Variants in CNTNAP4 observed in about 807,000 individuals in gnomAD.
CNTNAP4 encodes the protein contactin-associated protein-like 4.
In CNTNAP4, 98 loss-of-function variants were observed where a neutral mutation model predicts 148.4. That is an observed-to-expected ratio of 0.66 (90% CI 0.56 to 0.78). The LOEUF (loss-of-function observed/expected upper bound fraction) is 0.78, where lower values mean the gene tolerates loss of function less well. CNTNAP4 is among the 30% of genes least tolerant of loss of function. The probability of loss-of-function intolerance (pLI) is 0.00; values close to 1 mark genes in which losing one functional copy is unlikely to be tolerated. For missense variants in CNTNAP4, 1,935 were observed against 1,565.6 expected, an observed-to-expected ratio of 1.24 and a Z score of -3.98; for synonymous variants, 730 against 565.1, an observed-to-expected ratio of 1.29 and a Z score of -4.14.
chr16:76,495,017 T>G lies in CNTNAP4; in HGVS notation c.2188T>G (p.Cys730Gly). ...ATGTACTTGTGGATTAGAGGGAAAC[T>G]GCATTGATTCTCAGTATTACTGCAA... ...QKCTCGLEGN[C>G]IDSQYYCNCD... The change falls in exon 14 of 24, where the codon TGC (cysteine) becomes GGC (glycine). Residue 730 changes from cysteine to glycine, a missense_variant. Cys to Gly is a radical substitution (Grantham distance 159, BLOSUM62 -3). Transcript: ENST00000611870. 6.2e-7 allele frequency: 1 copy of G among 1,613,598 alleles called. No individual in the cohort carries two copies. The highest frequency in any genetic ancestry group is 8.5e-7 in the Non-Finnish European group (1 of 1,179,566).
In CNTNAP4 at chr16:76,355,448, C is replaced by T. The variant is rs1368766480; in HGVS notation, c.327C>T (p.Tyr109=). Residue 109 remains tyrosine (Y), a synonymous_variant, in exon 3 of 24, where the codon TAC becomes TAT. Coordinates refer to ENST00000611870, the MANE Select transcript of CNTNAP4 (RefSeq NM_033401.5). ...GYGSSNWVTS[Y]LLMFSDSGWN... ...GTAGCTCCAACTGGGTGACCAGCTACCTCCTGATGTTCAGTGATAGTGGCT... is the reference window on the plus strand; with the variant it reads ...GTAGCTCCAACTGGGTGACCAGCTATCTCCTGATGTTCAGTGATAGTGGCT... 4.7e-5 allele frequency: 75 copies of T among 1,612,784 alleles called. 1 individual carries two copies. The Admixed American group carries it at 1.2e-3, about 26-fold the overall frequency.
intron 3 of CNTNAP4, among the ~76,000 whole-genome samples, chr16:76,420,506 A>G (rs2079151439): frequency 6.6e-6 from 1 of 151,874 alleles, no homozygotes. Context: ...TTTACCTTTA[A>G]TCTCCGTGCG....
chr16:76,448,115 C>T lies in CNTNAP4; in HGVS notation c.642C>T (p.Thr214=), dbSNP rs1287900531. ...ACATTATTTCTTTGAAATTCAAAAC[C>T]ATGCAGAGTGATGGGATTCTACTCC... ...IKDIISLKFK[T]MQSDGILLHR... Residue 214 remains threonine (T), a synonymous_variant, in exon 5 of 24, where the codon ACC becomes ACT. Coordinates refer to ENST00000611870, the MANE Select transcript of CNTNAP4 (RefSeq NM_033401.5). 1.9e-6 allele frequency: 3 copies of T among 1,613,100 alleles called. No individual in the cohort carries two copies. The highest frequency in any genetic ancestry group is 2.7e-5 in the African/African-American group (2 of 74,882).
chr16:76,343,511 T>C (rs1387942181), intron 2 of CNTNAP4, among the ~76,000 whole-genome samples: 2 of 152,180 alleles, frequency 1.3e-5, no homozygotes, highest in East Asian at 1.9e-4. Flanking sequence ...TTTTCTAATA[T>C]AGAATAACTA....
In CNTNAP4 at chr16:76,548,609, A is replaced by G. The variant is rs1221470153; in HGVS notation, c.3443-4674A>G. 2.0e-5 allele frequency among the ~76,000 whole-genome samples: 3 copies of G among 152,008 alleles called. No homozygotes were observed. The East Asian group carries it at 5.9e-4, about 30-fold the overall frequency. On this transcript the variant is annotated intron_variant, in intron 21 of 23. Coordinates refer to ENST00000611870, the MANE Select transcript of CNTNAP4 (RefSeq NM_033401.5). ...AAAGGTTTCTTCTTTCGACAAGCAG[A>G]AGTCACTCCCTTTGTTGGAAATTGC...
chr16:76,410,888 G>C (rs1268168451), intron 3 of CNTNAP4, among the ~76,000 whole-genome samples: 1 of 151,460 alleles, frequency 6.6e-6, no homozygotes, highest in Non-Finnish European at 1.5e-5. Context: ...ATGTCTCAGA[G>C]GTTACCGAGT....
rs891044661 is a variant in CNTNAP4, at chr16:76,490,009, C to T, written c.2080+126C>T. 6 of 489,224 alleles carry T rather than the reference C, an allele frequency of 1.2e-5. No homozygotes were observed. In the South Asian group the frequency reaches 3.3e-4, roughly 27 times the overall value. The allele number at this position is 489,224 out of a possible 1,614,324, so 30.3% of individuals were successfully genotyped here. ...CACTGAGGGTATATGATCTCACATA[C>T]TTAGTAAACATGTCACAGTCTGGAA... On this transcript the variant is annotated intron_variant, in intron 13 of 23. Transcript: ENST00000611870.
At chr16:76,476,114 C>CTG in intron 11 of CNTNAP4, 69 bp downstream of exon 11, 2 of 1,045,122 alleles carry the variant, frequency 1.9e-6, no homozygotes, top group Non-Finnish European at 1.5e-6. Context: ...CTTTTCATTG[C>CTG]TGTGTGTATA....
intron 2 of CNTNAP4, among the ~76,000 whole-genome samples, chr16:76,321,457 G>A (rs1386048774): frequency 1.3e-5 from 2 of 152,128 alleles, no homozygotes; most frequent in Non-Finnish European, 2.9e-5. Flanking sequence ...TTTTTTATGA[G>A]TTGGATATTT....
intron 1 of CNTNAP4, among the ~76,000 whole-genome samples, chr16:76,305,122 T>C (rs996260725): frequency 6.6e-6 from 1 of 152,220 alleles, no homozygotes; most frequent in African/African-American, 2.4e-5. Context: ...ATATGTAAAT[T>C]GCACGTTTAG....
chr16:76,353,706 G>A (rs1281115154), intron 2 of CNTNAP4, among the ~76,000 whole-genome samples: 2 of 152,060 alleles, frequency 1.3e-5, no homozygotes, highest in Non-Finnish European at 2.9e-5. Flanking sequence ...TTACCCTTAT[G>A]CTGTCCTCTG....
chr16:76,494,456 T>C (rs535690876), intron 13 of CNTNAP4, among the ~76,000 whole-genome samples: 1 of 152,302 alleles, frequency 6.6e-6, no homozygotes, highest in East Asian at 1.9e-4. Flanking sequence ...AGAATAAATT[T>C]ATTGAGATAA....
At chr16:76,310,577 G>C (rs950718866) in intron 1 of CNTNAP4, among the ~76,000 whole-genome samples, 2 of 152,114 alleles carry the variant, frequency 1.3e-5, no homozygotes, top group African/African-American at 4.8e-5. Flanking sequence ...AAAGCTTCCT[G>C]TCAAAGGTCT....
At chr16:76,544,684 T>A (rs757993636) in intron 21 of CNTNAP4, among the ~76,000 whole-genome samples, 2 of 152,228 alleles carry the variant, frequency 1.3e-5, no homozygotes, top group Non-Finnish European at 2.9e-5. Context: ...TGAGTTCTAT[T>A]CCTGGACACT....
At chr16:76,322,426 T>C (rs1267162428) in intron 2 of CNTNAP4, among the ~76,000 whole-genome samples, 1 of 152,234 alleles carries the variant, frequency 6.6e-6, no homozygotes, top group African/African-American at 2.4e-5. Context: ...CTCTTTCGTA[T>C]TCTTTCCTGC....
chr16:76,427,620 T>A (rs2079456816), intron 4 of CNTNAP4, 21 bp downstream of exon 4: 1 of 1,585,666 alleles, frequency 6.3e-7, no homozygotes, highest in Non-Finnish European at 8.6e-7. Flanking sequence ...GTTTATCCAA[T>A]ACACTGACAT....
chr16:76,404,969 A>G (rs1247294740), intron 3 of CNTNAP4, among the ~76,000 whole-genome samples: 1 of 152,194 alleles, frequency 6.6e-6, no homozygotes, highest in Admixed American at 6.5e-5. Flanking sequence ...AAATCAAAAC[A>G]TCACATTGTA....
intron 15 of CNTNAP4, among the ~76,000 whole-genome samples, chr16:76,513,427 C>T (rs1204798399): frequency 1.3e-5 from 2 of 152,126 alleles, no homozygotes; most frequent in Admixed American, 1.3e-4. Context: ...CATATTACAG[C>T]ACGTGTACTT....
chr16:76,360,943 A>G (rs942240312), intron 3 of CNTNAP4, among the ~76,000 whole-genome samples: 1 of 148,074 alleles, frequency 6.8e-6, no homozygotes, highest in African/African-American at 2.5e-5. Context: ...CAGCCTCCCT[A>G]GTAGCTGGAA....
Sources: allele counts gnomAD v4.1 joint callset (sites outside exome capture counted in the v4.1 genomes callset), GRCh38; gene constraint gnomAD v4.1.1; transcripts MANE v1.5; gene names NCBI Gene and HGNC (gene_info 2026-07-23, HGNC 2026-07-21).